Variants in XKR4 observed in about 807,000 individuals in gnomAD.
XKR4 encodes XK-related protein 4.
Under a neutral mutation model 53.9 loss-of-function variants are expected in XKR4, and 12 were observed. The observed-to-expected ratio is 0.22, with a 90% CI of 0.14 to 0.36. XKR4 has a LOEUF of 0.36. Ranked by LOEUF, XKR4 falls within the 10% of genes least tolerant of loss-of-function variation. The probability of loss-of-function intolerance (pLI) is 1.00; values close to 1 mark genes in which losing one functional copy is unlikely to be tolerated. For missense variants in XKR4, 799 were observed against 859.5 expected, an observed-to-expected ratio of 0.93 and a Z score of 0.88; for synonymous variants, 354 against 362.4, an observed-to-expected ratio of 0.98 and a Z score of 0.26.
intron 1 of XKR4, among the ~76,000 whole-genome samples, chr8:55,136,438 AT>A (rs973815534): frequency 6.6e-6 from 1 of 152,150 alleles, no homozygotes; most frequent in Admixed American, 6.6e-5. Context: ...ATATCCTTTA[AT>A]TTTTTTCCTC....
At chr8:55,241,556 T>C (rs566459500) in intron 1 of XKR4, among the ~76,000 whole-genome samples, 1 of 152,276 alleles carries the variant, frequency 6.6e-6, no homozygotes, top group South Asian at 2.1e-4. Flanking sequence ...GGCACTGATA[T>C]GTATGTTGTT....
At chr8:55,248,429 G>A (rs1043127983) in intron 1 of XKR4, among the ~76,000 whole-genome samples, 8 of 152,164 alleles carry the variant, frequency 5.3e-5, no homozygotes, top group African/African-American at 1.4e-4. Context: ...ATTAGCAGAC[G>A]TGTAAGCCAA....
intron 1 of XKR4, among the ~76,000 whole-genome samples, chr8:55,190,255 C>T (rs1817428248): frequency 6.6e-6 from 1 of 152,142 alleles, no homozygotes; most frequent in Non-Finnish European, 1.5e-5. Context: ...CTGTGCTTCA[C>T]CAAGTAAAAT....
At chr8:55,468,116 T>C (rs917756645) in intron 2 of XKR4, among the ~76,000 whole-genome samples, 22 of 152,020 alleles carry the variant, frequency 1.4e-4, no homozygotes, top group Non-Finnish European at 2.6e-4. Context: ...AACTATAGAG[T>C]GGGAAATCTT....
intron 1 of XKR4, among the ~76,000 whole-genome samples, chr8:55,325,058 T>G (rs1803273522): frequency 6.6e-6 from 1 of 152,220 alleles, no homozygotes; most frequent in South Asian, 2.1e-4. Flanking sequence ...TTTCAAAAGA[T>G]GGACCATGTA....
In XKR4 at chr8:55,534,575, C is replaced by A. The variant is rs140731836; in HGVS notation, c.*10348C>A. Reference sequence around the variant, plus strand: ...ATTTTTTAGTAGAGATGGGGTTTCACCGTGTTAGCCAGAATGGTCTCGATC... The same window carrying A: ...ATTTTTTAGTAGAGATGGGGTTTCAACGTGTTAGCCAGAATGGTCTCGATC... On this transcript the variant is annotated 3_prime_UTR_variant, in exon 3 of 3. Transcript: ENST00000327381. 6.6e-6 allele frequency: 1 copy of A among 151,120 alleles called. No homozygotes were observed. The highest frequency in any genetic ancestry group is 1.5e-5 in the Non-Finnish European group (1 of 67,948). The allele number at this position is 151,120 out of a possible 1,614,324, so 9.4% of individuals were successfully genotyped here.
intron 1 of XKR4, among the ~76,000 whole-genome samples, chr8:55,248,812 A>C (rs1455447899): frequency 6.6e-6 from 1 of 151,472 alleles, no homozygotes; most frequent in East Asian, 1.9e-4. Context: ...TGCAGGCTGG[A>C]GTCTCAGAGT....
chr8:55,478,464 A>T (rs538121156), intron 2 of XKR4, among the ~76,000 whole-genome samples: 2 of 152,106 alleles, frequency 1.3e-5, no homozygotes, highest in African/African-American at 4.8e-5. Flanking sequence ...TGTAAAGACC[A>T]TCAAGGCTAG....
At chr8:55,191,154 A>G (rs368375091) in intron 1 of XKR4, among the ~76,000 whole-genome samples, 1 of 152,240 alleles carries the variant, frequency 6.6e-6, no homozygotes. Context: ...TCTCCAAGCT[A>G]TTCATGAGTC....
At chr8:55,481,912 A>T (rs1806115078) in intron 2 of XKR4, among the ~76,000 whole-genome samples, 1 of 152,182 alleles carries the variant, frequency 6.6e-6, no homozygotes, top group Non-Finnish European at 1.5e-5. Context: ...CCTGTAAAGG[A>T]TGTGGAGAAA....
chr8:55,287,717 G>C (rs542988519), intron 1 of XKR4, among the ~76,000 whole-genome samples: 1 of 152,112 alleles, frequency 6.6e-6, no homozygotes, highest in Non-Finnish European at 1.5e-5. Context: ...TCCTGTCTTC[G>C]CCATCCCCGT....
Position 55,102,802 on chromosome 8 carries a change from G to A in XKR4, c.314G>A (p.Arg105Gln), listed in dbSNP as rs893409248. Residue 105 changes from arginine to glutamine, a missense_variant, in exon 1 of 3, where the codon CGG becomes CAG. Coordinates refer to ENST00000327381, the MANE Select transcript of XKR4 (RefSeq NM_052898.2). The surrounding 1 kb of genome is among the most constrained non-coding windows in gnomAD (Gnocchi z 5.1). ...ALCLRLGREQ[R>Q]RYSLWDCLWI... ...TGCCTGCGCCTGGGCAGGGAGCAGC[G>A]GCGCTACTCACTGTGGGACTGCCTC... is the stretch of plus-strand genomic sequence containing the variant. 17 of 1,603,526 alleles carry A rather than the reference G, an allele frequency of 1.1e-5. 1 individual carries two copies. In the Admixed American group the frequency reaches 2.0e-4, roughly 19 times the overall value.
chr8:55,454,476 G>A (rs1805523823), intron 2 of XKR4: 1 of 1,185,582 alleles, frequency 8.4e-7, no homozygotes, highest in African/African-American at 1.5e-5. Context: ...TGCTCCATGA[G>A]GGTGGCACAG....
At chr8:55,337,096 C>G (rs1388896831) in intron 1 of XKR4, among the ~76,000 whole-genome samples, 1 of 152,054 alleles carries the variant, frequency 6.6e-6, no homozygotes, top group Non-Finnish European at 1.5e-5. Flanking sequence ...CAGCCTTTAC[C>G]CAACAGTGGA....
chr8:55,490,534 C>A (rs1239684336), intron 2 of XKR4, among the ~76,000 whole-genome samples: 1 of 152,090 alleles, frequency 6.6e-6, no homozygotes, highest in Non-Finnish European at 1.5e-5. Flanking sequence ...AGGTAACAAA[C>A]CTGCAGATGT....
At chr8:55,271,873 G>C (rs1818695738) in intron 1 of XKR4, among the ~76,000 whole-genome samples, 2 of 152,324 alleles carry the variant, frequency 1.3e-5, no homozygotes, top group East Asian at 3.9e-4. Flanking sequence ...CCTCCTGCAA[G>C]TCTCACTTAC....
chr8:55,524,880 T>C lies in XKR4; in HGVS notation c.*653T>C, dbSNP rs1806861144. 1 of 152,672 alleles carries C rather than the reference T, an allele frequency of 6.5e-6. No homozygotes were observed. The highest frequency in any genetic ancestry group is 1.5e-5 in the Non-Finnish European group (1 of 68,042). 9.5% of individuals were successfully genotyped at this position (152,672 alleles called of 1,614,324 possible). A position where few individuals can be genotyped will look rare whatever the true frequency, so the allele number is the denominator to read the frequency against. ...ATGGAGTGGTTCATTTTCTACACAT[T>C]TCAGGATTTGTTTTATATTTTAAAT... On this transcript the variant is annotated 3_prime_UTR_variant, in exon 3 of 3. Coordinates refer to ENST00000327381, the MANE Select transcript of XKR4 (RefSeq NM_052898.2).
At chr8:55,464,624 A>G (rs2129398799) in intron 2 of XKR4, among the ~76,000 whole-genome samples, 1 of 152,288 alleles carries the variant, frequency 6.6e-6, no homozygotes, top group Non-Finnish European at 1.5e-5. Flanking sequence ...TGGTGCTGGA[A>G]GTTCAGGCCA....
At chr8:55,351,296 G>A (rs1803719656) in intron 1 of XKR4, among the ~76,000 whole-genome samples, 2 of 152,046 alleles carry the variant, frequency 1.3e-5, no homozygotes, top group South Asian at 4.1e-4. Context: ...TAGAAGGTTT[G>A]ATTTTGTGTC....
Sources: allele counts gnomAD v4.1 joint callset (sites outside exome capture counted in the v4.1 genomes callset), GRCh38; gene constraint gnomAD v4.1.1; non-coding constraint Gnocchi (gnomAD v3.1); transcripts MANE v1.5; gene names NCBI Gene and HGNC (gene_info 2026-07-23, HGNC 2026-07-21).